Variants in SGPP2 observed in about 807,000 individuals in gnomAD.
SGPP2 encodes the protein sphingosine-1-phosphate phosphatase 2.
In SGPP2, 30 loss-of-function variants were observed where a neutral mutation model predicts 33.9. The ratio of observed to expected loss-of-function variants is 0.89; its 90% CI spans 0.66 to 1.20. SGPP2 has a LOEUF of 1.20. Among genes scored for constraint, SGPP2 ranks in the 50% most tolerant of loss-of-function variants. The pLI is 0.00. For synonymous variants in SGPP2, 233 were observed against 225.0 expected (o/e 1.04, Z -0.32); for missense variants, 458 against 532.1 (o/e 0.86, Z 1.37).
At chr2:222,507,298 G>A in intron 2 of SGPP2, among the ~76,000 whole-genome samples, 1 of 152,124 alleles carries the variant, frequency 6.6e-6, no homozygotes, top group South Asian at 2.1e-4. Context: ...TCTTTGGTTA[G>A]TAATCAATCG....
At chr2:222,521,154 T>G (rs903212863) in intron 2 of SGPP2, among the ~76,000 whole-genome samples, 9 of 152,222 alleles carry the variant, frequency 5.9e-5, no homozygotes, top group Admixed American at 5.2e-4. Flanking sequence ...GTATGTTGCC[T>G]TCATACAACA....
chr2:222,434,235 C>T (rs1697201495), intron 1 of SGPP2, among the ~76,000 whole-genome samples: 1 of 152,092 alleles, frequency 6.6e-6, no homozygotes, highest in South Asian at 2.1e-4. Context: ...GAAAGTGAAA[C>T]ATTGAAAAAT....
At chr2:222,494,203 C>G (rs1559160160) in intron 2 of SGPP2, among the ~76,000 whole-genome samples, 1 of 152,082 alleles carries the variant, frequency 6.6e-6, no homozygotes. Flanking sequence ...AAGTGTTGCC[C>G]AATTCTAGAA....
At chr2:222,437,839 G>C (rs776627328) in intron 1 of SGPP2, among the ~76,000 whole-genome samples, 1 of 152,150 alleles carries the variant, frequency 6.6e-6, no homozygotes, top group African/African-American at 2.4e-5. Context: ...GCAGAAAATG[G>C]TAGGGCCTTG....
At chr2:222,480,597 C>A (rs977047264) in intron 2 of SGPP2, among the ~76,000 whole-genome samples, 11 of 152,198 alleles carry the variant, frequency 7.2e-5, no homozygotes, top group Non-Finnish European at 1.3e-4. Flanking sequence ...AAGCCTGTTT[C>A]TAAGAGAGCA....
At chr2:222,425,314 T>C (rs1456077035) in intron 1 of SGPP2, among the ~76,000 whole-genome samples, 1 of 151,762 alleles carries the variant, frequency 6.6e-6, no homozygotes, top group Non-Finnish European at 1.5e-5. Context: ...GGCACAGAAC[T>C]TGGGGCTCAC....
At chr2:222,529,535 A>T (rs563552842) in intron 4 of SGPP2, among the ~76,000 whole-genome samples, 159 of 152,238 alleles carry the variant, frequency 1.0e-3, no homozygotes, top group Non-Finnish European at 1.9e-3. Context: ...GGGTTTCACC[A>T]TGTTGGCCAG....
At chr2:222,512,641 C>G (rs1008774123) in intron 2 of SGPP2, among the ~76,000 whole-genome samples, 1 of 152,206 alleles carries the variant, frequency 6.6e-6, no homozygotes, top group African/African-American at 2.4e-5. Flanking sequence ...TCACCCCTCC[C>G]TCTCCTCAGT....
chr2:222,493,658 T>C (rs192396837), intron 2 of SGPP2, among the ~76,000 whole-genome samples: 385 of 152,354 alleles, frequency 2.5e-3, no homozygotes, highest in African/African-American at 8.6e-3. Flanking sequence ...TAACTAAGTC[T>C]AACATTAATT....
intron 4 of SGPP2, among the ~76,000 whole-genome samples, chr2:222,554,750 G>A (rs1029991009): frequency 1.3e-5 from 2 of 152,166 alleles, no homozygotes; most frequent in Admixed American, 6.5e-5. Context: ...TGGGAACCTC[G>A]CCAGGGGTCC....
At chr2:222,467,275 T>C (rs964024374) in intron 1 of SGPP2, among the ~76,000 whole-genome samples, 1 of 148,882 alleles carries the variant, frequency 6.7e-6, no homozygotes, top group African/African-American at 2.4e-5. Context: ...CATATTACAA[T>C]TGAGAAGTTC....
At chr2:222,494,764 G>A (rs935942245) in intron 2 of SGPP2, among the ~76,000 whole-genome samples, 3 of 152,156 alleles carry the variant, frequency 2.0e-5, no homozygotes, top group African/African-American at 7.2e-5. Context: ...ATGAGAGCAG[G>A]ATTTAAACAT....
At chr2:222,498,437 A>G (rs1338533776) in intron 2 of SGPP2, 3 of 152,176 alleles carry the variant, frequency 2.0e-5, no homozygotes, top group Non-Finnish European at 2.9e-5. Context: ...GAAGAAGCCA[A>G]CATGGTCTCC....
At chr2:222,487,711 C>T (rs1437891709) in intron 2 of SGPP2, among the ~76,000 whole-genome samples, 1 of 152,144 alleles carries the variant, frequency 6.6e-6, no homozygotes, top group East Asian at 1.9e-4. Flanking sequence ...AGTGCGCTGG[C>T]AACATATCCA....
rs777945401 is a variant in SGPP2 at position 222,558,728 on chromosome 2, A to G, written c.1030A>G (p.Asn344Asp). 6.2e-7 allele frequency: 1 copy of G among 1,614,158 alleles called. No homozygotes were observed. The highest frequency in any genetic ancestry group is 8.5e-7 in the Non-Finnish European group (1 of 1,180,024). ...CCTCTTGGTTCGTCAGCTTGTACAAAATCTCTCACTGCAAGTATTATACTC... is the reference window on the plus strand; with the variant it reads ...CCTCTTGGTTCGTCAGCTTGTACAAGATCTCTCACTGCAAGTATTATACTC... ...LILLVRQLVQNLSLQVLYSWF... is the reference protein window; with the variant it reads ...LILLVRQLVQDLSLQVLYSWF... The change falls in exon 5 of 5, where the codon AAT (asparagine) becomes GAT (aspartate). Residue 344 changes from asparagine (N) to aspartate (D), a missense_variant. Transcript: ENST00000321276.
intron 1 of SGPP2, among the ~76,000 whole-genome samples, chr2:222,470,815 A>C (rs1393460111): frequency 2.6e-5 from 4 of 152,192 alleles, no homozygotes; most frequent in African/African-American, 9.7e-5. Context: ...ACAAACCTTT[A>C]TGTGAAAAGG....
intron 1 of SGPP2, among the ~76,000 whole-genome samples, chr2:222,439,060 C>T (rs1328412297): frequency 6.6e-6 from 1 of 152,184 alleles, no homozygotes; most frequent in Non-Finnish European, 1.5e-5. Flanking sequence ...ACCTGACCTC[C>T]ATAAGCCCCT....
intron 1 of SGPP2, among the ~76,000 whole-genome samples, chr2:222,447,887 C>A (rs1185859705): frequency 6.6e-6 from 1 of 152,038 alleles, no homozygotes; most frequent in Non-Finnish European, 1.5e-5. Context: ...GGGCACATAA[C>A]AAATAATGTC....
chr2:222,527,135 TG>T (rs1698771186), intron 4 of SGPP2, among the ~76,000 whole-genome samples: 1 of 152,154 alleles, frequency 6.6e-6, no homozygotes, highest in African/African-American at 2.4e-5. Context: ...AAGTGAGTTG[TG>T]GGGACAGTAA....
Sources: gnomAD v4.1 joint callset for allele counts (sites outside exome capture counted in the v4.1 genomes callset) on GRCh38, gnomAD v4.1.1 for gene constraint, MANE v1.5 for transcripts, NCBI Gene and HGNC (gene_info 2026-07-23, HGNC 2026-07-21) for gene names.